The following ESRRG variants were observed in gnomAD, a reference collection of about 807,000 sequenced individuals.
ESRRG encodes estrogen related receptor gamma, also known as estrogen-related receptor gamma.
Under a neutral mutation model 44.0 loss-of-function variants are expected in ESRRG, and 13 were observed. The observed-to-expected ratio is 0.30, with a 90% CI of 0.19 to 0.47. ESRRG has a LOEUF of 0.47. ESRRG is among the 20% of genes least tolerant of loss of function. ESRRG has a pLI of 1.00. For missense variants in ESRRG, 395 were observed against 580.6 expected, an observed-to-expected ratio of 0.68 and a Z score of 3.29; for synonymous variants, 215 against 214.6, an observed-to-expected ratio of 1.00 and a Z score of -0.02.
intron 3 of ESRRG, among the ~76,000 whole-genome samples, chr1:216,601,125 C>G (rs1174127110): frequency 1.3e-5 from 2 of 152,126 alleles, no homozygotes; most frequent in Non-Finnish European, 2.9e-5. Context: ...GCTTGGAACG[C>G]GGGCTCCTGC....
At chr1:217,054,149 A>G (rs995696017) in intron 1 of ESRRG, among the ~76,000 whole-genome samples, 9 of 152,170 alleles carry the variant, frequency 5.9e-5, no homozygotes, top group African/African-American at 2.2e-4. Flanking sequence ...TTGACAAAAC[A>G]TGGGTATTTT....
chr1:216,821,071 AT>A (rs1475619560), intron 2 of ESRRG, among the ~76,000 whole-genome samples: 2 of 152,206 alleles, frequency 1.3e-5, no homozygotes, highest in African/African-American at 4.8e-5. Flanking sequence ...GTGTTAATGT[AT>A]TTAAAAAAAA....
At chr1:216,924,930 C>T (rs1186940926) in intron 2 of ESRRG, among the ~76,000 whole-genome samples, 1 of 152,138 alleles carries the variant, frequency 6.6e-6, no homozygotes, top group Non-Finnish European at 1.5e-5. Context: ...TGCATATTTA[C>T]ATCTAGTAGC....
chr1:216,777,593 A>C (rs2093662827), intron 2 of ESRRG, among the ~76,000 whole-genome samples: 1 of 152,138 alleles, frequency 6.6e-6, no homozygotes, highest in South Asian at 2.1e-4. Context: ...TTTTGATTCA[A>C]TCACTGAATA....
Position 216,962,395 on chromosome 1 carries a change from G to C in ESRRG, c.-105-22722C>G, listed in dbSNP as rs74507389. 2.5e-3 allele frequency among the ~76,000 whole-genome samples: 377 copies of C among 152,246 alleles called. 3 individuals are homozygous for C. The East Asian group carries it at 0.039, about 16-fold the overall frequency. On this transcript the variant is annotated intron_variant, in intron 1 of 7. Transcript: ENST00000359162. Reference sequence around the variant, plus strand: ...AGAAGACAGGGCTTAGTGTAGCTAAGTGCCTAAAATTCCCTTGTCTGTGAA... The same window carrying C: ...AGAAGACAGGGCTTAGTGTAGCTAACTGCCTAAAATTCCCTTGTCTGTGAA...
At chr1:216,523,648 AT>A (rs1304530373) in intron 5 of ESRRG, among the ~76,000 whole-genome samples, 1 of 152,058 alleles carries the variant, frequency 6.6e-6, no homozygotes, top group Non-Finnish European at 1.5e-5. Flanking sequence ...ATAAATGTTT[AT>A]TTCCTGAACA....
intron 2 of ESRRG, among the ~76,000 whole-genome samples, chr1:216,673,628 T>A (rs535389098): frequency 6.6e-6 from 1 of 152,382 alleles, no homozygotes; most frequent in Admixed American, 6.5e-5. Context: ...AGAATAATCA[T>A]GCATAGAATT....
At position 217,087,433 on chromosome 1, in the gene ESRRG, T is replaced by C. The variant is rs565060039; in HGVS notation, c.-106+2074A>G. Among the ~76,000 whole-genome samples, 4 of 152,348 alleles carry C rather than the reference T, an allele frequency of 2.6e-5. No homozygotes were observed. In the South Asian group the frequency reaches 8.3e-4, roughly 32 times the overall value. ...TCAGAGATGGGAACATGGTACTCTC[T>C]TGGTAACCTTTTAATTTCTGGAAAA... On this transcript the variant is annotated intron_variant, in intron 1 of 7. Coordinates refer to the ESRRG transcript ENST00000359162.
At chr1:216,922,502 A>G (rs1392049131) in intron 2 of ESRRG, among the ~76,000 whole-genome samples, 7 of 152,158 alleles carry the variant, frequency 4.6e-5, no homozygotes. Flanking sequence ...AAATACAAAG[A>G]AGGATATAGT....
intron 3 of ESRRG, among the ~76,000 whole-genome samples, chr1:216,637,580 A>G (rs2065543390): frequency 6.6e-6 from 1 of 152,230 alleles, no homozygotes; most frequent in Non-Finnish European, 1.5e-5. Flanking sequence ...CATTATAAAT[A>G]TCAGTACAGC....
At chr1:216,661,228 C>A (rs983128385) in intron 2 of ESRRG, among the ~76,000 whole-genome samples, 1 of 152,112 alleles carries the variant, frequency 6.6e-6, no homozygotes. Flanking sequence ...TTATAGTACA[C>A]AGATCATGTC....
At chr1:216,532,356 T>C (rs551610173) in intron 5 of ESRRG, among the ~76,000 whole-genome samples, 3 of 152,272 alleles carry the variant, frequency 2.0e-5, no homozygotes, top group Admixed American at 1.3e-4. Flanking sequence ...AGCCGCTGCT[T>C]GGTATCCCAG....
chr1:217,132,911 G>A (rs2092985752), intron 1 of ESRRG, among the ~76,000 whole-genome samples: 1 of 152,128 alleles, frequency 6.6e-6, no homozygotes, highest in Admixed American at 6.6e-5. Context: ...AAACAAATGG[G>A]CCTCTCCGTT....
At chr1:217,046,744 G>A (rs1176059561) in intron 1 of ESRRG, among the ~76,000 whole-genome samples, 2 of 152,072 alleles carry the variant, frequency 1.3e-5, no homozygotes, top group African/African-American at 4.8e-5. Context: ...TTAGCCAGGT[G>A]TGGTGGTATG....
intron 2 of ESRRG, among the ~76,000 whole-genome samples, chr1:216,866,877 G>A (rs1249903309): frequency 2.0e-5 from 3 of 152,072 alleles, no homozygotes; most frequent in Non-Finnish European, 4.4e-5. Context: ...TAAAAAGAGA[G>A]TATAAAGTAA....
chr1:217,047,892 T>A (rs1009284404), intron 1 of ESRRG, among the ~76,000 whole-genome samples: 4 of 152,116 alleles, frequency 2.6e-5, no homozygotes, highest in Admixed American at 2.6e-4. Flanking sequence ...GAATATGCAA[T>A]GGAACTAGAG....
intron 2 of ESRRG, among the ~76,000 whole-genome samples, chr1:216,801,457 A>C (rs2094614766): frequency 6.6e-6 from 1 of 152,078 alleles, no homozygotes; most frequent in African/African-American, 2.4e-5. Flanking sequence ...CCACTGTCTT[A>C]TTCTTTATCA....
At chr1:216,896,790 T>G (rs1249606425) in intron 2 of ESRRG, among the ~76,000 whole-genome samples, 1 of 152,130 alleles carries the variant, frequency 6.6e-6, no homozygotes, top group Non-Finnish European at 1.5e-5. Context: ...GTAAGGTAAA[T>G]AACTATAATC....
At chr1:217,068,760 C>T (rs1227450923) in intron 1 of ESRRG, among the ~76,000 whole-genome samples, 3 of 152,040 alleles carry the variant, frequency 2.0e-5, no homozygotes, top group Non-Finnish European at 4.4e-5. Context: ...AGCAGTTTTA[C>T]TCAGAGCTGG....
Sources: allele counts gnomAD v4.1 joint callset (sites outside exome capture counted in the v4.1 genomes callset), GRCh38; gene constraint gnomAD v4.1.1; transcripts MANE v1.5; gene names NCBI Gene and HGNC (gene_info 2026-07-23, HGNC 2026-07-21).